KLK8: variants seen among roughly 807,000 people sequenced by gnomAD.
KLK8 encodes the protein kallikrein related peptidase 8.
In KLK8, 18 loss-of-function variants were observed where a neutral mutation model predicts 26.7. That is an observed-to-expected ratio of 0.67 (90% CI 0.47 to 1.00). KLK8 has a LOEUF of 1.00. KLK8 is among the 50% of genes least tolerant of loss of function. The pLI, the probability that KLK8 is intolerant of heterozygous loss-of-function variation, is 0.00. For synonymous variants in KLK8, 137 were observed against 127.1 expected, an observed-to-expected ratio of 1.08 and a Z score of -0.52; for missense variants, 301 against 331.7, an observed-to-expected ratio of 0.91 and a Z score of 0.72.
intron 5 of KLK8, chr19:50,998,898 T>C (rs1323081062): frequency 2.6e-5 from 4 of 152,202 alleles, no homozygotes; most frequent in Non-Finnish European, 5.9e-5. Flanking sequence ...GGCTCAGAGA[T>C]GGAAAGGAAT....
intron 6 of KLK8, among the ~76,000 whole-genome samples, 188 bp downstream of exon 5, chr19:50,997,563 C>T (rs967812392): frequency 4.6e-5 from 7 of 152,114 alleles, no homozygotes; most frequent in African/African-American, 1.4e-4. Context: ...AATCCCTATG[C>T]AGTGTGACTT....
chr19:51,000,667 C>A (rs1262612550), intron 3 of KLK8, 84 bp from the exon 3 acceptor site: 2 of 1,582,140 alleles, frequency 1.3e-6, no homozygotes, highest in Middle Eastern at 3.4e-4. Context: ...CAAATGGACA[C>A]ACGGCAAGTT....
intron 5 of KLK8, among the ~76,000 whole-genome samples, chr19:50,999,506 G>T (rs1343048086): frequency 6.9e-6 from 1 of 144,230 alleles, no homozygotes; most frequent in Non-Finnish European, 1.5e-5. Flanking sequence ...TTAAACCCAG[G>T]AGGCAGAGAT....
At chr19:50,997,615 C>A (rs1204860962) in intron 6 of KLK8, 136 bp downstream of exon 5, 15 of 1,006,468 alleles carry the variant, frequency 1.5e-5, no homozygotes, top group Non-Finnish European at 2.2e-5. Flanking sequence ...GCTCCCAATC[C>A]GTAGAGATAG....
At position 51,000,195 on chromosome 19, in the gene KLK8, T is replaced by TCC. The variant is rs763707659; in HGVS notation, c.293_294insGG (p.Ile98MetfsTer25). 1 of 1,608,844 alleles carries TCC rather than the reference T, an allele frequency of 6.2e-7. No homozygotes were observed. Among genetic ancestry groups the TCC allele is most frequent in the Non-Finnish European group, 8.5e-7 (1 of 1,175,594 alleles). On this transcript the variant is annotated frameshift_variant, in exon 5 of 7. Transcript: ENST00000600767. LOFTEE classifies it high-confidence loss of function. ...GGTGTGGGATGGACTGAACCACAGG[T>TCC]ATTTCTTGCTCTGGGCCATCTTTAT...
At chr19:50,999,406 C>A (rs1351182614) in intron 5 of KLK8, among the ~76,000 whole-genome samples, 2 of 151,092 alleles carry the variant, frequency 1.3e-5, no homozygotes, top group African/African-American at 4.9e-5. Context: ...ATGGCGAAAC[C>A]CTGTCTCTAC....
At chr19:51,000,824 T>A in intron 3 of KLK8, 1 of 1,148,602 alleles carries the variant, frequency 8.7e-7, no homozygotes, top group South Asian at 1.6e-5. Flanking sequence ...CCCCGAGTAC[T>A]CCCAGGTGAA....
intron 5 of KLK8, chr19:50,999,060 G>A (rs960140135): frequency 1.2e-4 from 18 of 152,202 alleles, no homozygotes; most frequent in African/African-American, 4.3e-4. Context: ...GCCACTTCCT[G>A]GAGAAGCTCC....
chr19:50,997,950 C>T (rs113188768), intron 5 of KLK8, 66 bp from the exon 5 acceptor site: 14 of 1,591,092 alleles, frequency 8.8e-6, no homozygotes, highest in African/African-American at 5.4e-5. Context: ...CTGTCTGGAT[C>T]TAACCCCCTT....
intron 5 of KLK8, 93 bp from the exon 5 acceptor site, chr19:50,997,977 TGGG>T: frequency 1.3e-6 from 2 of 1,516,724 alleles, no homozygotes; most frequent in East Asian, 4.5e-5. Flanking sequence ...CAGGATGTAA[TGGG>T]GGAGTTTTCC....
exon 6 of KLK8, chr19:50,997,763 A>G: frequency 6.2e-7 from 1 of 1,614,098 alleles, no homozygotes; most frequent in Non-Finnish European, 8.5e-7. Flanking sequence ...GGCACGTGTC[A>G]GCCCCTTTGC....
At chr19:50,999,583 C>CAAAAAAAAAAAAAAAAAAAAAAAAA in intron 5 of KLK8, among the ~76,000 whole-genome samples, 1 of 30,292 alleles carries the variant, frequency 3.3e-5, no homozygotes, top group Non-Finnish European at 7.0e-5. Flanking sequence ...TGTCCCCCTG[C>CAAAAAAAAAAAAAAAAAAAAAAAAA]AAAAAAAAAA....
intron 5 of KLK8, 108 bp from the exon 5 acceptor site, chr19:50,997,992 G>T: frequency 7.2e-7 from 1 of 1,387,500 alleles, no homozygotes; most frequent in Non-Finnish European, 1.0e-6. Flanking sequence ...GAGTTTTCCA[G>T]CTGCATGGGG....
chr19:50,997,890 G>A lies in KLK8; in HGVS notation c.494-6C>T, dbSNP rs1290092985. 2.5e-6 allele frequency: 4 copies of A among 1,613,932 alleles called. No homozygotes were observed. The highest frequency in any genetic ancestry group is 3.4e-6 in the Non-Finnish European group (4 of 1,180,010). On this transcript the variant is annotated splice_region_variant and splice_polypyrimidine_tract_variant and intron_variant, in intron 5 of 6. Coordinates refer to ENST00000600767, the Ensembl canonical transcript of KLK8. ...GAGAGTGTCAGGAAAATTCTCTGAG[G>A]GGGAAGAGGTTGTAAGGTTCCCTGA...
chr19:51,000,487 A>G, exon 4 of KLK8: 1 of 1,614,060 alleles, frequency 6.2e-7, no homozygotes, highest in Non-Finnish European at 8.5e-7. Context: ...GCCACAGAGT[A>G]GTTGCTGGCC....
Position 51,000,594 on chromosome 19 carries a change from AG to A in KLK8, c.71-12del. The A allele has an allele frequency of 1.9e-6, 3 of 1,613,560 alleles. No homozygotes were observed. The highest frequency in any genetic ancestry group is 2.5e-6 in the Non-Finnish European group (3 of 1,179,636). On this transcript the variant is annotated splice_polypyrimidine_tract_variant and intron_variant, in intron 3 of 6. Coordinates refer to ENST00000600767, the Ensembl canonical transcript of KLK8. ...GTGCCCTGGAGTGTCCTGCAGCAGG[AG>A]GGAGAGGGTTGGATCGCCACCCTCT...
intron 6 of KLK8, 98 bp from the exon 6 acceptor site, chr19:50,996,312 T>C (rs1600120234): frequency 7.4e-7 from 1 of 1,356,500 alleles, no homozygotes; most frequent in African/African-American, 1.4e-5. Context: ...GCATGATTGG[T>C]CCCCTGTAGC....
At chr19:50,999,864 T>A in intron 5 of KLK8, 132 bp downstream of exon 4, 1 of 963,136 alleles carries the variant, frequency 1.0e-6, no homozygotes, top group Non-Finnish European at 1.5e-6. Context: ...TGACTCCTGC[T>A]TGTGAATCTC....
chr19:50,996,131 G>T, exon 7 of KLK8: 1 of 1,614,220 alleles, frequency 6.2e-7, no homozygotes, highest in South Asian at 1.1e-5. Context: ...CGCCAGGTTT[G>T]TCGGACCTCC....
Sources: gnomAD v4.1 joint callset for allele counts (sites outside exome capture counted in the v4.1 genomes callset) on GRCh38, gnomAD v4.1.1 for gene constraint, MANE v1.5 for transcripts, NCBI Gene and HGNC (gene_info 2026-07-23, HGNC 2026-07-21) for gene names.